The following RPS6KC1 variants were observed in gnomAD, a reference collection of about 807,000 sequenced individuals.
The protein encoded by RPS6KC1 is inactive ribosomal protein S6 kinase delta-1.
RPS6KC1 carries 54 observed loss-of-function variants against 103.8 expected under a neutral mutation model. The ratio of observed to expected loss-of-function variants is 0.52; its 90% CI spans 0.42 to 0.65. RPS6KC1 has a LOEUF of 0.65. RPS6KC1 is among the 30% of genes least tolerant of loss of function. The pLI, the probability that RPS6KC1 is intolerant of heterozygous loss-of-function variation, is 0.00. For synonymous variants in RPS6KC1, 439 were observed against 438.7 expected, an observed-to-expected ratio of 1.00 and a Z score of -0.01; for missense variants, 1,151 against 1,253.8, an observed-to-expected ratio of 0.92 and a Z score of 1.24.
chr1:213,678,601 A>T, the RPS6KC1 span, among the ~76,000 whole-genome samples: 2 of 152,206 alleles, frequency 1.3e-5, no homozygotes, highest in Admixed American at 1.3e-4. Context: ...GGATTTTCAA[A>T]ATCCCATATA....
chr1:213,739,851 A>G, the RPS6KC1 span, among the ~76,000 whole-genome samples: 4 of 152,166 alleles, frequency 2.6e-5, no homozygotes, highest in Non-Finnish European at 5.9e-5. Flanking sequence ...CCCGTGCTCT[A>G]TTGTAAGATG....
At chr1:213,770,304 C>T in the RPS6KC1 span, among the ~76,000 whole-genome samples, 2 of 152,098 alleles carry the variant, frequency 1.3e-5, no homozygotes, top group Admixed American at 6.5e-5. Context: ...AGCACCCAGC[C>T]GCCCCCTGTA....
intron 2 of RPS6KC1, chr1:213,073,046 A>T (rs1246964245): frequency 1.8e-5 from 5 of 281,794 alleles, no homozygotes; most frequent in Non-Finnish European, 2.1e-5. Flanking sequence ...ATAAATTTTT[A>T]AAAGTTTTCT....
At chr1:213,144,635 G>C (rs2087505156) in intron 6 of RPS6KC1, among the ~76,000 whole-genome samples, 1 of 151,946 alleles carries the variant, frequency 6.6e-6, no homozygotes, top group South Asian at 2.1e-4. Flanking sequence ...ATCGTGACTT[G>C]GTTATCAACC....
the RPS6KC1 span, among the ~76,000 whole-genome samples, chr1:213,755,381 G>A: frequency 6.6e-6 from 1 of 152,230 alleles, no homozygotes; most frequent in Admixed American, 6.5e-5. Context: ...AGGGAAAGGA[G>A]AAGAATAAAT....
the RPS6KC1 span, among the ~76,000 whole-genome samples, chr1:213,677,190 C>G: frequency 6.6e-6 from 1 of 152,208 alleles, no homozygotes; most frequent in African/African-American, 2.4e-5. Flanking sequence ...CTAAGAGCAT[C>G]TGGCCCTTTT....
At chr1:213,841,764 T>C in the RPS6KC1 span, among the ~76,000 whole-genome samples, 1 of 152,194 alleles carries the variant, frequency 6.6e-6, no homozygotes, top group African/African-American at 2.4e-5. Flanking sequence ...TTTGAGACAG[T>C]GTGTTCAGTA....
chr1:213,431,129 ATATT>A, the RPS6KC1 span, among the ~76,000 whole-genome samples: 1 of 152,194 alleles, frequency 6.6e-6, no homozygotes, highest in Non-Finnish European at 1.5e-5. Flanking sequence ...TCTGGTGAGA[ATATT>A]TATTATCTGC....
At chr1:213,261,477 GT>G in intron 12 of RPS6KC1, 80 bp from the exon 13 acceptor site, 1 of 1,258,414 alleles carries the variant, frequency 7.9e-7, no homozygotes, top group Non-Finnish European at 1.2e-6. Context: ...CATTAAAAAG[GT>G]CACCTTGCTA....
the RPS6KC1 span, among the ~76,000 whole-genome samples, chr1:213,748,735 A>T: frequency 2.0e-5 from 3 of 152,238 alleles, no homozygotes. Context: ...TTCTAATAAC[A>T]TCATGACAAT....
At chr1:213,129,375 C>G (rs1000218239) in intron 5 of RPS6KC1, 152 bp from the exon 6 acceptor site, 2 of 813,228 alleles carry the variant, frequency 2.5e-6, no homozygotes, top group Non-Finnish European at 3.8e-6. Context: ...TGGACTAAGC[C>G]TAAACAAATT....
the RPS6KC1 span, among the ~76,000 whole-genome samples, chr1:213,457,191 GT>G: frequency 6.6e-6 from 1 of 152,198 alleles, no homozygotes; most frequent in Non-Finnish European, 1.5e-5. Flanking sequence ...TGATGTGATT[GT>G]TCTGTTCTTT....
chr1:213,190,956 G>A (rs1443303133), intron 8 of RPS6KC1, among the ~76,000 whole-genome samples: 1 of 152,162 alleles, frequency 6.6e-6, no homozygotes, highest in Non-Finnish European at 1.5e-5. Flanking sequence ...TAAGTTCACT[G>A]TAGATATATG....
At chr1:213,438,792 CTTTTTTTT>C in the RPS6KC1 span, among the ~76,000 whole-genome samples, 2 of 129,732 alleles carry the variant, frequency 1.5e-5, no homozygotes, top group Non-Finnish European at 3.3e-5. Context: ...ATCTTGGTTT[CTTTTTTTT>C]TTTTTTTTTT....
At chr1:213,850,657 G>A in the RPS6KC1 span, among the ~76,000 whole-genome samples, 2 of 152,114 alleles carry the variant, frequency 1.3e-5, no homozygotes, top group Non-Finnish European at 2.9e-5. Flanking sequence ...TATTTTTTAC[G>A]TGTTTGTTCC....
chr1:213,706,049 G>T, the RPS6KC1 span, among the ~76,000 whole-genome samples: 4 of 152,306 alleles, frequency 2.6e-5, no homozygotes, highest in South Asian at 8.3e-4. Flanking sequence ...GCAACCTGGG[G>T]TTGGGGGAAG....
chr1:213,740,104 G>A, the RPS6KC1 span, among the ~76,000 whole-genome samples: 1 of 152,108 alleles, frequency 6.6e-6, no homozygotes, highest in Non-Finnish European at 1.5e-5. Flanking sequence ...AGGTGAAACA[G>A]AGAAATAAGT....
chr1:213,700,766 T>G, the RPS6KC1 span, among the ~76,000 whole-genome samples: 16 of 152,092 alleles, frequency 1.1e-4, no homozygotes, highest in Non-Finnish European at 2.1e-4. Context: ...ACAGAGATCT[T>G]TCACTTATCT....
At chr1:213,836,074 A>G in the RPS6KC1 span, 2 of 151,984 alleles carry the variant, frequency 1.3e-5, no homozygotes, top group Admixed American at 1.3e-4. Context: ...AAGGAGTCCA[A>G]ACAGAAAAAA....
Sources: allele counts gnomAD v4.1 joint callset (sites outside exome capture counted in the v4.1 genomes callset), GRCh38; gene constraint gnomAD v4.1.1; transcripts MANE v1.5; gene names NCBI Gene and HGNC (gene_info 2026-07-23, HGNC 2026-07-21).